CTIF: variants seen among roughly 807,000 people sequenced by gnomAD.
The protein encoded by CTIF is cap binding complex dependent translation initiation factor.
In CTIF, 21 loss-of-function variants were observed where a neutral mutation model predicts 66.0. That is an observed-to-expected ratio of 0.32 (90% CI 0.23 to 0.46). The LOEUF (loss-of-function observed/expected upper bound fraction) is 0.46, where lower values mean the gene tolerates loss of function less well. CTIF is among the 20% of genes least tolerant of loss of function. CTIF has a pLI of 1.00. For synonymous variants in CTIF, 345 were observed against 326.4 expected, an observed-to-expected ratio of 1.06 and a Z score of -0.62; for missense variants, 739 against 812.7, an observed-to-expected ratio of 0.91 and a Z score of 1.10.
At chr18:48,621,063 T>C (rs1172608942) in intron 2 of CTIF, among the ~76,000 whole-genome samples, 1 of 152,260 alleles carries the variant, frequency 6.6e-6, no homozygotes, top group East Asian at 1.9e-4. Context: ...TTGTTTGTTA[T>C]TCAATCCATG....
rs1352137173 is a variant in CTIF, at chr18:48,861,026, T to C, written c.*1467T>C. On this transcript the variant is annotated 3_prime_UTR_variant, in exon 12 of 12. Coordinates refer to ENST00000256413, the MANE Select transcript of CTIF (RefSeq NM_014772.3). ...GCCTAGCCGCTTCCTTATTTGCTCTTTTATTGAGGCCGGGCAGGCCCTGGG... is the reference window on the plus strand; with the variant it reads ...GCCTAGCCGCTTCCTTATTTGCTCTCTTATTGAGGCCGGGCAGGCCCTGGG... The C allele has an allele frequency of 6.6e-6, 1 of 152,220 alleles. No homozygotes were observed. Among genetic ancestry groups the C allele is most frequent in the African/African-American group, 2.4e-5 (1 of 41,420 alleles). The allele number at this position is 152,220 out of a possible 1,614,324, so 9.4% of individuals were successfully genotyped here.
At chr18:48,634,244 A>C (rs2090773264) in intron 2 of CTIF, among the ~76,000 whole-genome samples, 1 of 152,160 alleles carries the variant, frequency 6.6e-6, no homozygotes, top group Non-Finnish European at 1.5e-5. Flanking sequence ...GATGCACCAC[A>C]CTGGGGAGTC....
intron 1 of CTIF, among the ~76,000 whole-genome samples, chr18:48,607,297 C>T (rs896112120): frequency 3.3e-5 from 5 of 152,130 alleles, no homozygotes; most frequent in African/African-American, 1.2e-4. Context: ...CGCTGGGCAC[C>T]GGATCAAGTC....
At position 48,831,154 on chromosome 18, in the gene CTIF, A is replaced by G. The variant is rs536868727; in HGVS notation, c.1527+13778A>G. On this transcript the variant is annotated intron_variant, in intron 10 of 11. Transcript: ENST00000256413. ...ATGAGCTCAGAACGGGAAAGGGAAA[A>G]GAAACACCCCCCATCACCCCAGCAA... Among the ~76,000 whole-genome samples the G allele has an allele frequency of 2.6e-5, 4 of 152,350 alleles. No homozygotes were observed. In the East Asian group the frequency reaches 7.7e-4, roughly 29 times the overall value.
At chr18:48,819,827 C>T (rs2068445640) in intron 10 of CTIF, among the ~76,000 whole-genome samples, 1 of 152,254 alleles carries the variant, frequency 6.6e-6, no homozygotes, top group Non-Finnish European at 1.5e-5. Flanking sequence ...TGTTCATCAA[C>T]TGCACCACGT....
At chr18:48,805,741 C>T (rs2068133348) in intron 9 of CTIF, among the ~76,000 whole-genome samples, 1 of 152,228 alleles carries the variant, frequency 6.6e-6, no homozygotes. Context: ...CAGGAGTGAA[C>T]TGTCAGCCAC....
At chr18:48,781,167 C>T (rs1325037326) in intron 9 of CTIF, among the ~76,000 whole-genome samples, 3 of 152,224 alleles carry the variant, frequency 2.0e-5, no homozygotes, top group Admixed American at 2.0e-4. Flanking sequence ...CTGCTCTACC[C>T]TCCTAGTGCC....
At chr18:48,621,714 G>A (rs2090496907) in intron 2 of CTIF, 1 of 267,222 alleles carries the variant, frequency 3.7e-6, no homozygotes, top group Non-Finnish European at 7.4e-6. Context: ...GGTGAAGGCA[G>A]AAGCCTGCCT....
At chr18:48,858,612 C>A (rs11876270) in intron 11 of CTIF, among the ~76,000 whole-genome samples, 32,384 of 151,934 alleles carry the variant, frequency 0.21, 3,561 homozygotes, top group South Asian at 0.33. Context: ...GGCTGGGGAC[C>A]GAGACGGGGA....
chr18:48,860,691 G>C lies in CTIF; in HGVS notation c.*1132G>C, dbSNP rs2069446109. 6.6e-6 allele frequency: 1 copy of C among 152,228 alleles called. No individual in the cohort carries two copies. Among genetic ancestry groups the C allele is most frequent in the Admixed American group, 6.5e-5 (1 of 15,292 alleles). 9.4% of individuals were successfully genotyped at this position (152,228 alleles called of 1,614,324 possible). A position where few individuals can be genotyped will look rare whatever the true frequency, so the allele number is the denominator to read the frequency against. On this transcript the variant is annotated 3_prime_UTR_variant, in exon 12 of 12. Coordinates refer to ENST00000256413, the MANE Select transcript of CTIF (RefSeq NM_014772.3). ...AAGGATGGGAGTGGGGGCTCCCCAG[G>C]ACTCGATTTTAGCTAATGCGCTGTG... is the stretch of plus-strand genomic sequence containing the variant.
intron 1 of CTIF, among the ~76,000 whole-genome samples, chr18:48,617,876 C>G (rs2090426098): frequency 6.6e-6 from 1 of 151,966 alleles, no homozygotes; most frequent in Non-Finnish European, 1.5e-5. Context: ...TCAGGGGGCC[C>G]AGAGCGAGGC....
At chr18:48,725,546 A>G (rs1180936705) in intron 7 of CTIF, among the ~76,000 whole-genome samples, 1 of 152,012 alleles carries the variant, frequency 6.6e-6, no homozygotes, top group Non-Finnish European at 1.5e-5. Context: ...TTAGGGTGAG[A>G]ATGAGGAGGA....
chr18:48,651,557 C>T (rs183967068), intron 3 of CTIF, among the ~76,000 whole-genome samples: 9 of 152,276 alleles, frequency 5.9e-5, no homozygotes, highest in East Asian at 3.9e-4. Context: ...GACAGATCAA[C>T]GAGACAGAAG....
At chr18:48,699,830 T>C (rs2092058781) in intron 6 of CTIF, among the ~76,000 whole-genome samples, 1 of 152,228 alleles carries the variant, frequency 6.6e-6, no homozygotes, top group Admixed American at 6.5e-5. Flanking sequence ...AAGGTAGGCA[T>C]TGCTGCCAGC....
intron 9 of CTIF, among the ~76,000 whole-genome samples, chr18:48,814,246 A>G (rs2068317130): frequency 6.6e-6 from 1 of 152,172 alleles, no homozygotes; most frequent in Non-Finnish European, 1.5e-5. Context: ...TTAACACCCG[A>G]GTTAGCACTT....
intron 10 of CTIF, among the ~76,000 whole-genome samples, chr18:48,820,689 C>G (rs1420986704): frequency 6.6e-6 from 1 of 152,174 alleles, no homozygotes; most frequent in African/African-American, 2.4e-5. Flanking sequence ...ACGCCACGGC[C>G]TTTCCGCTGT....
intron 9 of CTIF, among the ~76,000 whole-genome samples, chr18:48,762,760 G>A (rs576731863): frequency 1.3e-5 from 2 of 152,358 alleles, no homozygotes; most frequent in East Asian, 1.9e-4. Context: ...GACAACAGGT[G>A]TAAACAAGGG....
chr18:48,562,666 T>G (rs934473198), intron 1 of CTIF, among the ~76,000 whole-genome samples: 2 of 152,208 alleles, frequency 1.3e-5, no homozygotes, highest in Non-Finnish European at 2.9e-5. Flanking sequence ...TGGGAACTTA[T>G]GCAGGCCAAG....
chr18:48,656,155 G>T (rs1040815032), intron 3 of CTIF, among the ~76,000 whole-genome samples: 4 of 152,204 alleles, frequency 2.6e-5, no homozygotes, highest in Middle Eastern at 3.2e-3. Context: ...CATTAACAAA[G>T]ATAGGTGTGG....
Sources: allele counts gnomAD v4.1 joint callset (sites outside exome capture counted in the v4.1 genomes callset), GRCh38; gene constraint gnomAD v4.1.1; transcripts MANE v1.5; gene names NCBI Gene and HGNC (gene_info 2026-07-23, HGNC 2026-07-21).